PARD3B: variants seen among roughly 807,000 people sequenced by gnomAD.
PARD3B encodes the protein partitioning defective 3 homolog B.
In PARD3B, 103 loss-of-function variants were observed where a neutral mutation model predicts 130.2. The ratio of observed to expected loss-of-function variants is 0.79; its 90% confidence interval spans 0.67 to 0.93. The LOEUF (loss-of-function observed/expected upper bound fraction) is 0.93. Among genes scored for constraint, PARD3B ranks in the 40% least tolerant of loss-of-function variants. The pLI is 0.00. For synonymous variants in PARD3B, 583 were observed against 553.2 expected, an observed-to-expected ratio of 1.05 and a Z score of -0.76; for missense variants, 1,609 against 1,499.2, an observed-to-expected ratio of 1.07 and a Z score of -1.21.
intron 11 of PARD3B, among the ~76,000 whole-genome samples, chr2:205,159,430 T>G (rs1248989763): frequency 6.6e-6 from 1 of 152,180 alleles, no homozygotes; most frequent in Non-Finnish European, 1.5e-5. Flanking sequence ...TTTTCTAGGT[T>G]TCCAGAAAAA....
rs992777008 is a variant in PARD3B at position 205,470,255 on chromosome 2, A to G, written c.3044+29583A>G. On this transcript the variant is annotated intron_variant, in intron 20 of 22. Transcript: ENST00000406610. The surrounding 1 kb of genome is among the most constrained non-coding windows in gnomAD (Gnocchi z 4.8). The stretch of plus-strand genomic sequence containing the variant: ...TTACCATGTCAAAGCATCCCCTCCC[A>G]GCAGTGCCCTAGCCTTTCTCATTCC... 1.3e-5 allele frequency among the ~76,000 whole-genome samples: 2 copies of G among 152,214 alleles called. No individual in the cohort carries two copies. Among genetic ancestry groups the G allele is most frequent in the Non-Finnish European group, 2.9e-5 (2 of 68,040 alleles).
chr2:205,024,294 A>C (rs1381940266), intron 3 of PARD3B, among the ~76,000 whole-genome samples: 3 of 150,272 alleles, frequency 2.0e-5, no homozygotes, highest in African/African-American at 7.4e-5. Flanking sequence ...CAGCCTCCCA[A>C]GTAGTTGGGA....
chr2:205,560,518 A>T lies in PARD3B; in HGVS notation c.3260+7115A>T, dbSNP rs544424090. Reference sequence around the variant, plus strand: ...GAGAGTTGAAAAAACAGTGTCTGCAAATTGGTACTGTAGTTCCTTAAGATT... The same window carrying T: ...GAGAGTTGAAAAAACAGTGTCTGCATATTGGTACTGTAGTTCCTTAAGATT... On this transcript the variant is annotated intron_variant, in intron 22 of 22. Transcript: ENST00000406610. 2.6e-5 allele frequency among the ~76,000 whole-genome samples: 4 copies of T among 152,246 alleles called. No individual in the cohort carries two copies. In the South Asian group the frequency reaches 6.2e-4, roughly 24 times the overall value.
chr2:204,572,826 C>T (rs1387800713), intron 1 of PARD3B, among the ~76,000 whole-genome samples: 3 of 152,156 alleles, frequency 2.0e-5, no homozygotes, highest in Non-Finnish European at 4.4e-5. Flanking sequence ...AATAAAGATA[C>T]TATGTAGTTC....
intron 21 of PARD3B, among the ~76,000 whole-genome samples, chr2:205,551,044 G>A (rs2106489425): frequency 6.7e-6 from 1 of 148,418 alleles, no homozygotes; most frequent in South Asian, 2.1e-4. Flanking sequence ...ACAGGCATGT[G>A]GTCTCCTCAA....
At chr2:205,369,487 C>T (rs945023008) in intron 18 of PARD3B, among the ~76,000 whole-genome samples, 4 of 152,200 alleles carry the variant, frequency 2.6e-5, no homozygotes, top group Admixed American at 1.3e-4. Context: ...CTTTAAACAG[C>T]CTACGGGCGC....
intron 2 of PARD3B, among the ~76,000 whole-genome samples, chr2:204,880,225 A>G: frequency 6.6e-6 from 1 of 152,186 alleles, no homozygotes; most frequent in Admixed American, 6.5e-5. Context: ...GCATGTTGGA[A>G]TTACCAATTG....
rs1318236089 is a variant in PARD3B at position 205,536,277 on chromosome 2, C to T, written c.3181-17047C>T. On this transcript the variant is annotated intron_variant, in intron 21 of 22. Transcript: ENST00000406610. ...ACTTTTGATTTTTTAAGAAATGATT[C>T]GATTAACTTTTGAACCACCTGCTCC... Among the ~76,000 whole-genome samples the T allele has an allele frequency of 3.3e-5, 5 of 152,116 alleles. No homozygotes were observed. The East Asian group carries it at 5.8e-4, about 18-fold the overall frequency.
At chr2:205,227,247 C>T (rs755495405) in intron 15 of PARD3B, among the ~76,000 whole-genome samples, 4 of 151,970 alleles carry the variant, frequency 2.6e-5, no homozygotes, top group Non-Finnish European at 5.9e-5. Context: ...TTTTCTGTCT[C>T]GATGATCTGT....
rs775357738 is a variant in PARD3B at position 205,193,281 on chromosome 2, G to C, written c.2101G>C (p.Glu701Gln). 2 of 1,613,346 alleles carry C rather than the reference G, an allele frequency of 1.2e-6. No individual in the cohort carries two copies. The highest frequency in any genetic ancestry group is 1.7e-5 in the Admixed American group (1 of 60,004). Residue 701 changes from glutamate (E) to glutamine (Q), a missense_variant, in exon 15 of 23, where the codon GAA becomes CAA. Physicochemically the swap from Glu to Gln is conservative, Grantham distance 29. Coordinates refer to ENST00000406610, the MANE Select transcript of PARD3B (RefSeq NM_001302769.2). The stretch of plus-strand genomic sequence containing the variant: ...ATCTGTGACACCGGCCAGGCAGCCT[G>C]AATCAATTAATTTGAAAGCCTCGAA... ...FRSVTPARQP[E>Q]SINLKASKSM...
At chr2:204,837,582 G>T (rs1188093168) in intron 2 of PARD3B, among the ~76,000 whole-genome samples, 1 of 151,874 alleles carries the variant, frequency 6.6e-6, no homozygotes, top group African/African-American at 2.4e-5. Context: ...ACCATGCCTG[G>T]CCTGGTCTTT....
In PARD3B at chr2:205,301,815, GCA is replaced by G; in HGVS notation, c.2630+115_2630+116del. Reference sequence around the variant, plus strand: ...CGCTTTTCCTCGTCTTCAGCCAAATGCATACGGCTCTCAATTCTGTGCTCGTT... The same window carrying G: ...CGCTTTTCCTCGTCTTCAGCCAAATGTACGGCTCTCAATTCTGTGCTCGTT... On this transcript the variant is annotated intron_variant, in intron 18 of 22. Transcript: ENST00000406610. The surrounding 1 kb of genome is among the most constrained non-coding windows in gnomAD (Gnocchi z 5.2). 1 of 1,497,448 alleles carries G rather than the reference GCA, an allele frequency of 6.7e-7. No homozygotes were observed. Among genetic ancestry groups the G allele is most frequent in the Non-Finnish European group, 9.3e-7 (1 of 1,073,816 alleles). The allele number at this position is 1,497,448 out of a possible 1,614,324, so 92.8% of individuals were successfully genotyped here.
At chr2:205,552,358 C>G (rs1336881661) in intron 21 of PARD3B, among the ~76,000 whole-genome samples, 1 of 151,880 alleles carries the variant, frequency 6.6e-6, no homozygotes, top group Non-Finnish European at 1.5e-5. Context: ...TGTCAGCAAC[C>G]CTTGTTAGTA....
chr2:205,557,718 G>A (rs2052954985), intron 22 of PARD3B, among the ~76,000 whole-genome samples: 1 of 152,176 alleles, frequency 6.6e-6, no homozygotes, highest in Non-Finnish European at 1.5e-5. Flanking sequence ...CCTGTGTAGT[G>A]CATTGAAGGA....
intron 11 of PARD3B, among the ~76,000 whole-genome samples, chr2:205,167,989 A>G (rs972614475): frequency 4.6e-5 from 7 of 152,188 alleles, no homozygotes; most frequent in African/African-American, 1.7e-4. Context: ...TGTGCGTCCT[A>G]CTGTGATAGG....
intron 2 of PARD3B, among the ~76,000 whole-genome samples, chr2:204,740,429 AAAC>A (rs1239550289): frequency 6.6e-6 from 1 of 152,176 alleles, no homozygotes; most frequent in Non-Finnish European, 1.5e-5. Context: ...CTATTTCTGT[AAAC>A]AAGCCAGCTT....
intron 2 of PARD3B, among the ~76,000 whole-genome samples, chr2:204,790,349 A>T (rs553222721): frequency 6.6e-6 from 1 of 152,166 alleles, no homozygotes; most frequent in East Asian, 1.9e-4. Context: ...TTTCATGAAG[A>T]GGGGTTTTTT....
chr2:205,383,278 C>T (rs1324364944), intron 18 of PARD3B, among the ~76,000 whole-genome samples: 3 of 152,056 alleles, frequency 2.0e-5, no homozygotes, highest in Non-Finnish European at 4.4e-5. Flanking sequence ...CTTCCTCTTT[C>T]ATTATTTGTA....
intron 19 of PARD3B, among the ~76,000 whole-genome samples, chr2:205,434,411 A>G (rs932436016): frequency 1.3e-5 from 2 of 152,214 alleles, no homozygotes; most frequent in Non-Finnish European, 2.9e-5. Flanking sequence ...AAATATTAGC[A>G]GGAAGAACAC....
Sources: gnomAD v4.1 joint callset for allele counts (sites outside exome capture counted in the v4.1 genomes callset) on GRCh38, gnomAD v4.1.1 for gene constraint, Gnocchi (gnomAD v3.1) non-coding constraint, MANE v1.5 for transcripts, NCBI Gene and HGNC (gene_info 2026-07-23, HGNC 2026-07-21) for gene names.